The following DLG2 variants were observed in gnomAD, a reference collection of about 807,000 sequenced individuals.
The protein encoded by DLG2 is discs large MAGUK scaffold protein 2.
In DLG2, 45 loss-of-function variants were observed where a neutral mutation model predicts 132.5. The observed-to-expected ratio is 0.34, with a 90% CI of 0.27 to 0.44. DLG2 has a LOEUF of 0.44. Among genes scored for constraint, DLG2 ranks in the 20% least tolerant of loss-of-function variants. The pLI is 1.00. For synonymous variants in DLG2, 424 were observed against 419.6 expected (o/e 1.01, Z -0.13); for missense variants, 1,045 against 1,196.9 (o/e 0.87, Z 1.87).
chr11:84,904,565 T>C (rs4943901), intron 6 of DLG2, among the ~76,000 whole-genome samples: 8,375 of 152,268 alleles, frequency 0.055, 261 homozygotes, highest in South Asian at 0.1. Flanking sequence ...AAATGGCTTT[T>C]CTGCTGCCCA....
At chr11:83,820,734 C>T (rs905053159) in intron 17 of DLG2, among the ~76,000 whole-genome samples, 2 of 152,130 alleles carry the variant, frequency 1.3e-5, no homozygotes, top group African/African-American at 2.4e-5. Context: ...TGAGCCCCGA[C>T]ATTTGAAAAG....
intron 2 of DLG2, among the ~76,000 whole-genome samples, chr11:85,601,008 T>C (rs920148519): frequency 1.3e-5 from 2 of 152,170 alleles, no homozygotes; most frequent in Non-Finnish European, 1.5e-5. Context: ...TGAACATGGA[T>C]CTGAGAAAAG....
intron 7 of DLG2, among the ~76,000 whole-genome samples, chr11:84,403,588 A>G (rs985070551): frequency 1.1e-4 from 16 of 152,096 alleles, no homozygotes; most frequent in African/African-American, 3.9e-4. Context: ...AACCTCCCTA[A>G]AAAAAACAGC....
At chr11:83,971,516 G>A (rs1204593624) in intron 12 of DLG2, among the ~76,000 whole-genome samples, 1 of 151,406 alleles carries the variant, frequency 6.6e-6, no homozygotes. Context: ...GTGGGGGCAT[G>A]AGAATATAAT....
chr11:85,136,575 C>T (rs1195574704), intron 5 of DLG2, among the ~76,000 whole-genome samples: 1 of 152,134 alleles, frequency 6.6e-6, no homozygotes, highest in Non-Finnish European at 1.5e-5. Context: ...AGCTGCTTTA[C>T]TTGATATTCC....
At chr11:84,449,762 A>T (rs571092455) in intron 7 of DLG2, among the ~76,000 whole-genome samples, 92 of 151,998 alleles carry the variant, frequency 6.1e-4, no homozygotes, top group African/African-American at 2.0e-3. Context: ...TTATTTTAAA[A>T]GGGAACTTAT....
intron 14 of DLG2, among the ~76,000 whole-genome samples, chr11:83,942,613 G>A (rs570838841): frequency 6.6e-6 from 1 of 152,270 alleles, no homozygotes; most frequent in African/African-American, 2.4e-5. Context: ...AATTTTGTAA[G>A]AGGCATATCT....
chr11:83,599,338 T>C (rs965213185), intron 19 of DLG2, among the ~76,000 whole-genome samples: 2 of 152,158 alleles, frequency 1.3e-5, no homozygotes, highest in Non-Finnish European at 2.9e-5. Context: ...TCTTGCATGA[T>C]AGATTCCTGA....
chr11:85,371,627 G>C (rs2084981634), intron 3 of DLG2, among the ~76,000 whole-genome samples: 1 of 152,180 alleles, frequency 6.6e-6, no homozygotes, highest in Non-Finnish European at 1.5e-5. Context: ...GGGGAAACTG[G>C]CCTCATACCC....
chr11:83,748,327 C>G (rs1317002866), intron 18 of DLG2, among the ~76,000 whole-genome samples: 1 of 152,186 alleles, frequency 6.6e-6, no homozygotes, highest in Non-Finnish European at 1.5e-5. Flanking sequence ...GTATTCTGTT[C>G]TCAGGATGCA....
chr11:84,541,291 G>A (rs898219095), intron 6 of DLG2, among the ~76,000 whole-genome samples: 1 of 151,910 alleles, frequency 6.6e-6, no homozygotes, highest in Non-Finnish European at 1.5e-5. Context: ...GCTCAAGACA[G>A]GGATGCCTGG....
At chr11:84,419,184 T>G (rs868769934) in intron 7 of DLG2, among the ~76,000 whole-genome samples, 3 of 151,864 alleles carry the variant, frequency 2.0e-5, no homozygotes, top group Admixed American at 1.3e-4. Flanking sequence ...GAGAGAGAGA[T>G]ATTATATATT....
chr11:83,568,013 T>C (rs1266620627), intron 19 of DLG2, among the ~76,000 whole-genome samples: 1 of 152,140 alleles, frequency 6.6e-6, no homozygotes, highest in African/African-American at 2.4e-5. Flanking sequence ...ATCTTATATA[T>C]GTAAATAAGG....
intron 7 of DLG2, among the ~76,000 whole-genome samples, chr11:84,502,293 T>C (rs1293497560): frequency 2.0e-3 from 5 of 2,536 alleles, no homozygotes; most frequent in African/African-American, 9.1e-3. Flanking sequence ...TTTCTTTCTT[T>C]CTTTCTTTCT....
At chr11:83,599,282 C>A (rs950132819) in intron 19 of DLG2, among the ~76,000 whole-genome samples, 1 of 152,150 alleles carries the variant, frequency 6.6e-6, no homozygotes, top group Admixed American at 6.5e-5. Context: ...TTCCCTCATG[C>A]CTAACCCCTC....
intron 6 of DLG2, among the ~76,000 whole-genome samples, chr11:84,824,648 G>C (rs1480479554): frequency 6.6e-6 from 1 of 151,824 alleles, no homozygotes; most frequent in Non-Finnish European, 1.5e-5. Flanking sequence ...GTTCCCATTT[G>C]TATGGAAAAA....
At chr11:84,469,031 A>G (rs1037288591) in intron 7 of DLG2, among the ~76,000 whole-genome samples, 2 of 151,622 alleles carry the variant, frequency 1.3e-5, no homozygotes, top group African/African-American at 4.8e-5. Context: ...AGTCTATCCC[A>G]GTACTTAGCA....
Position 84,363,195 on chromosome 11 carries a change from C to A in DLG2, c.520-111904G>T, listed in dbSNP as rs1421365847. On this transcript the variant is annotated intron_variant, in intron 7 of 27. Transcript: ENST00000376104. Reference sequence around the variant, plus strand: ...TGTTGTTTCCTGACTTTTTAATGATCGCCATTCTAACTGGTGTGATATGAT... The same window carrying A: ...TGTTGTTTCCTGACTTTTTAATGATAGCCATTCTAACTGGTGTGATATGAT... Among the ~76,000 whole-genome samples, 991 of 151,940 alleles carry A rather than the reference C, an allele frequency of 6.5e-3. 8 individuals carry two copies. Among genetic ancestry groups the A allele is most frequent in the African/African-American group, 0.022 (916 of 41,414 alleles).
At chr11:83,884,314 C>T (rs1027782747) in intron 15 of DLG2, among the ~76,000 whole-genome samples, 2 of 152,204 alleles carry the variant, frequency 1.3e-5, no homozygotes, top group Non-Finnish European at 2.9e-5. Flanking sequence ...CTCGGAGGGT[C>T]CTACGCCCAC....
Sources: allele counts gnomAD v4.1 joint callset (sites outside exome capture counted in the v4.1 genomes callset), GRCh38; gene constraint gnomAD v4.1.1; transcripts MANE v1.5; gene names NCBI Gene and HGNC (gene_info 2026-07-23, HGNC 2026-07-21).